The following RBMS3 variants were observed in gnomAD, a reference collection of about 807,000 sequenced individuals.
RBMS3 encodes RNA binding motif single stranded interacting protein 3, also known as RNA-binding motif, single-stranded-interacting protein 3.
A neutral mutation model predicts 66.8 loss-of-function variants in RBMS3; 27 were observed. That is an observed-to-expected ratio of 0.40 (90% CI 0.30 to 0.56). RBMS3 has a LOEUF of 0.56. Among genes scored for constraint, RBMS3 ranks in the 20% least tolerant of loss-of-function variants. The pLI, the probability that RBMS3 is intolerant of heterozygous loss-of-function variation, is 0.40. For missense variants in RBMS3, 513 were observed against 549.5 expected (o/e 0.93, Z 0.66); for synonymous variants, 188 against 183.0 (o/e 1.03, Z -0.22).
At chr3:29,616,509 A>G in intron 4 of RBMS3, 1 of 157,736 alleles carries the variant, frequency 6.3e-6, no homozygotes, top group Non-Finnish European at 1.4e-5. Flanking sequence ...ACAAACAAAC[A>G]AAAATTACAA....
rs1215116853 is a variant in RBMS3 at position 29,378,775 on chromosome 3, G to A, written c.76-55968G>A. Among the ~76,000 whole-genome samples, 5 of 151,708 alleles carry A rather than the reference G, an allele frequency of 3.3e-5. No homozygotes were observed. The South Asian group carries it at 1.0e-3, about 32-fold the overall frequency. On this transcript the variant is annotated intron_variant, in intron 1 of 14. Transcript: ENST00000383767. ...GTCTTTGCTAAAACAGAATTGTATC[G>A]AAAATCTTAAAACGATTTTTTTCCA...
intron 3 of RBMS3, among the ~76,000 whole-genome samples, chr3:29,549,573 T>A (rs1400061701): frequency 1.3e-5 from 2 of 151,934 alleles, no homozygotes; most frequent in African/African-American, 2.4e-5. Context: ...CTAATTTTTG[T>A]CTTTTTAGTA....
intron 2 of RBMS3, among the ~76,000 whole-genome samples, chr3:29,450,552 C>T (rs939809299): frequency 4.6e-5 from 7 of 152,124 alleles, no homozygotes; most frequent in Admixed American, 1.3e-4. Flanking sequence ...ACAGTGGTTT[C>T]ACCTAAATTC....
intron 12 of RBMS3, among the ~76,000 whole-genome samples, chr3:29,952,774 T>C (rs545973760): frequency 6.6e-6 from 1 of 152,000 alleles, no homozygotes; most frequent in African/African-American, 2.4e-5. Flanking sequence ...TATATCAGTA[T>C]ATTATTTTTT....
At chr3:29,839,735 C>T (rs1011726790) in intron 6 of RBMS3, among the ~76,000 whole-genome samples, 2 of 151,672 alleles carry the variant, frequency 1.3e-5, no homozygotes, top group Non-Finnish European at 2.9e-5. Context: ...TGATAATAGT[C>T]ATTGGTCTCA....
chr3:29,568,669 C>CTA (rs1445462289), intron 3 of RBMS3, among the ~76,000 whole-genome samples: 1 of 152,182 alleles, frequency 6.6e-6, no homozygotes, highest in African/African-American at 2.4e-5. Context: ...GTATTTGAAT[C>CTA]TAGACTGCAT....
Position 29,434,907 on chromosome 3 carries a change from G to A in RBMS3, c.240G>A (p.Leu80=). 1 of 1,612,872 alleles carries A rather than the reference G, an allele frequency of 6.2e-7. No homozygotes were observed. The highest frequency in any genetic ancestry group is 8.5e-7 in the Non-Finnish European group (1 of 1,179,396). Residue 80 remains leucine, a synonymous_variant, in exon 2 of 15, where the codon CTG becomes CTA. Transcript: ENST00000383767. ...PGTTDQDLIK[L]CQPYGKIVST... ...CCACTGACCAGGACCTAATCAAGCTGTGCCAACCGTAAGTGTCCTTCTGCT... is the reference window on the plus strand; with the variant it reads ...CCACTGACCAGGACCTAATCAAGCTATGCCAACCGTAAGTGTCCTTCTGCT...
chr3:29,600,914 C>T (rs2048121547), intron 4 of RBMS3, among the ~76,000 whole-genome samples: 2 of 151,788 alleles, frequency 1.3e-5, no homozygotes, highest in African/African-American at 2.4e-5. Context: ...GTAAAAATGA[C>T]AATATCATAA....
Position 30,009,911 on chromosome 3 carries a change from C to T in RBMS3, c.*6049C>T, listed in dbSNP as rs1004701755. On this transcript the variant is annotated 3_prime_UTR_variant, in exon 15 of 15. Transcript: ENST00000383767. ...ATATAAAAAAATAAGTTATTCCATG[C>T]TTTTCAGGAACTGTAAAAATTATTT... The T allele has an allele frequency of 1.3e-5, 2 of 151,790 alleles. No individual in the cohort carries two copies. The allele number at this position is 151,790 out of a possible 1,614,324, so 9.4% of individuals were successfully genotyped here. A position where few individuals can be genotyped will look rare whatever the true frequency, so the allele number is the denominator to read the frequency against.
intron 6 of RBMS3, among the ~76,000 whole-genome samples, chr3:29,816,432 A>G (rs1339435700): frequency 6.6e-6 from 1 of 152,138 alleles, no homozygotes; most frequent in Non-Finnish European, 1.5e-5. Context: ...TGTATGCCCA[A>G]GAGAAACACA....
At chr3:29,618,053 A>G (rs1478614160) in intron 4 of RBMS3, among the ~76,000 whole-genome samples, 1 of 152,200 alleles carries the variant, frequency 6.6e-6, no homozygotes, top group African/African-American at 2.4e-5. Context: ...AACCACCTCA[A>G]AGATATCTCT....
chr3:29,515,761 A>G lies in RBMS3; in HGVS notation c.307+27262A>G, dbSNP rs2044597113. On this transcript the variant is annotated intron_variant, in intron 3 of 14. Transcript: ENST00000383767. ...TGGTTGCAGAGAGCTAGTCCACTTT[A>G]GCATTACATTTGCAGTACATGCAGG... Among the ~76,000 whole-genome samples the G allele has an allele frequency of 2.0e-5, 3 of 152,214 alleles. No homozygotes were observed. In the South Asian group the frequency reaches 6.2e-4, roughly 31 times the overall value.
intron 2 of RBMS3, among the ~76,000 whole-genome samples, chr3:29,456,557 T>A (rs577509523): frequency 1.3e-5 from 2 of 152,320 alleles, no homozygotes; most frequent in South Asian, 4.1e-4. Context: ...TACAACTTTT[T>A]ATTCATACTA....
chr3:29,473,199 G>A (rs1170936905), intron 2 of RBMS3, among the ~76,000 whole-genome samples: 13 of 149,552 alleles, frequency 8.7e-5, no homozygotes, highest in African/African-American at 2.5e-4. Flanking sequence ...GATACAGAGT[G>A]TCGATTGGTG....
chr3:29,843,268 T>A (rs765355955), intron 6 of RBMS3, among the ~76,000 whole-genome samples: 1 of 152,216 alleles, frequency 6.6e-6, no homozygotes, highest in Non-Finnish European at 1.5e-5. Context: ...ATGCTGCATA[T>A]TTTTAGAAGA....
chr3:29,702,740 G>C (rs186991679), intron 4 of RBMS3, among the ~76,000 whole-genome samples: 1 of 152,282 alleles, frequency 6.6e-6, no homozygotes, highest in East Asian at 1.9e-4. Context: ...TCACCGTGAA[G>C]GTCTGCAGTT....
intron 4 of RBMS3, among the ~76,000 whole-genome samples, chr3:29,653,759 C>G (rs1262253476): frequency 6.6e-6 from 1 of 152,048 alleles, no homozygotes; most frequent in East Asian, 1.9e-4. Flanking sequence ...TAGCAAATAC[C>G]GTAATATATG....
At chr3:29,695,782 A>G (rs1476085040) in intron 4 of RBMS3, among the ~76,000 whole-genome samples, 4 of 152,240 alleles carry the variant, frequency 2.6e-5, no homozygotes. Context: ...GCCTGTACAC[A>G]TTGCCAACTC....
chr3:29,393,766 G>C (rs1316572930), intron 1 of RBMS3, among the ~76,000 whole-genome samples: 1 of 151,176 alleles, frequency 6.6e-6, no homozygotes, highest in Admixed American at 6.6e-5. Context: ...GTGACATCAT[G>C]TATTGGCAGG....
Sources: gnomAD v4.1 joint callset for allele counts (sites outside exome capture counted in the v4.1 genomes callset) on GRCh38, gnomAD v4.1.1 for gene constraint, MANE v1.5 for transcripts, NCBI Gene and HGNC (gene_info 2026-07-23, HGNC 2026-07-21) for gene names.